The following KLF8 variants were observed in gnomAD, a reference collection of about 807,000 sequenced individuals.
KLF8 encodes KLF transcription factor 8.
KLF8 carries 10 observed loss-of-function variants against 18.2 expected under a neutral mutation model. The ratio of observed to expected loss-of-function variants is 0.55; its 90% CI spans 0.34 to 0.93. The LOEUF is 0.93. KLF8 is among the 40% of genes least tolerant of loss of function. The pLI, the probability that KLF8 is intolerant of heterozygous loss-of-function variation, is 0.02. For missense variants in KLF8, 264 were observed against 277.9 expected (o/e 0.95, Z 0.36); for synonymous variants, 109 against 97.3 (o/e 1.12, Z -0.71).
At chrX:56,171,632 T>G in the KLF8 span, among the ~76,000 whole-genome samples, 1 of 111,661 alleles carries the variant, frequency 9.0e-6, no homozygotes. Flanking sequence ...GTTTGGATTT[T>G]TATCCTTGTG....
the KLF8 span, among the ~76,000 whole-genome samples, chrX:56,197,617 G>A: frequency 1.8e-5 from 2 of 111,741 alleles, no homozygotes; most frequent in African/African-American, 6.5e-5. Context: ...ACCAAAAAGA[G>A]TCTAGGACCA....
upstream of KLF8, among the ~76,000 whole-genome samples, chrX:56,227,413 C>T (rs1033215289): frequency 9.3e-6 from 1 of 107,697 alleles, no homozygotes; most frequent in Non-Finnish European, 1.9e-5. Flanking sequence ...TGCAGTGGTG[C>T]GACCTCAGCT....
At chrX:56,046,270 G>A in the KLF8 span, among the ~76,000 whole-genome samples, 1 of 111,319 alleles carries the variant, frequency 9.0e-6, no homozygotes, top group Admixed American at 9.6e-5. Flanking sequence ...GAGAATTTTT[G>A]CATCTATGAT....
rs916554752 is a variant in KLF8 at position 56,291,280 on chromosome X, T to C, written c.*6786T>C. 1.8e-5 allele frequency among the ~76,000 whole-genome samples: 2 copies of C among 111,944 alleles called. No homozygotes were observed. Among genetic ancestry groups the C allele is most frequent in the Non-Finnish European group, 3.8e-5 (2 of 53,152 alleles). ...AACACCTTGTTTTTCCTCTATTTTA[T>C]ACTAGTTCTTGCTCCAGAGGCATGG... On this transcript the variant is annotated 3_prime_UTR_variant, in exon 6 of 6. Transcript: ENST00000468660.
chrX:55,957,248 A>AT, the KLF8 span, among the ~76,000 whole-genome samples: 58 of 111,129 alleles, frequency 5.2e-4, no homozygotes, highest in Non-Finnish European at 8.9e-4. Flanking sequence ...ACATTGGTAT[A>AT]TTTTTCTGTC....
intron 5 of KLF8, among the ~76,000 whole-genome samples, chrX:56,275,182 T>C (rs776543114): frequency 1.8e-5 from 2 of 111,727 alleles, no homozygotes; most frequent in East Asian, 5.6e-4. Context: ...CTATCATCAA[T>C]GTTTTATAGT....
chrX:56,019,800 A>G, the KLF8 span, among the ~76,000 whole-genome samples: 1 of 112,005 alleles, frequency 8.9e-6, no homozygotes, highest in Non-Finnish European at 1.9e-5. Context: ...AAGAATGGTA[A>G]GGGAAAGGAA....
chrX:56,189,927 G>A, the KLF8 span, among the ~76,000 whole-genome samples: 2 of 103,942 alleles, frequency 1.9e-5, no homozygotes, highest in South Asian at 9.5e-4. Flanking sequence ...GCTAAATGAC[G>A]AGTTAATGGG....
At chrX:56,146,647 G>A in the KLF8 span, among the ~76,000 whole-genome samples, 1 of 108,550 alleles carries the variant, frequency 9.2e-6, no homozygotes, top group South Asian at 4.1e-4. Context: ...AACCACCATG[G>A]CATGTGTATA....
chrX:56,226,953 G>C, the KLF8 span, among the ~76,000 whole-genome samples: 2 of 112,488 alleles, frequency 1.8e-5, no homozygotes. Context: ...GCAAACAAAG[G>C]ACAGAGGAAA....
At chrX:56,156,946 G>A in the KLF8 span, among the ~76,000 whole-genome samples, 4 of 109,120 alleles carry the variant, frequency 3.7e-5, no homozygotes. Context: ...TATGTTTATT[G>A]TGGCACTATT....
chrX:55,951,542 C>T, the KLF8 span, among the ~76,000 whole-genome samples: 10 of 107,732 alleles, frequency 9.3e-5, no homozygotes, highest in East Asian at 2.6e-3. Flanking sequence ...TATGGGGATA[C>T]GCAAAGCTCC....
At chrX:56,081,529 G>A in the KLF8 span, among the ~76,000 whole-genome samples, 1 of 111,915 alleles carries the variant, frequency 8.9e-6, no homozygotes, top group Non-Finnish European at 1.9e-5. Flanking sequence ...AATAGCAGTG[G>A]TGAAAGTGGG....
At chrX:56,033,592 C>A in the KLF8 span, among the ~76,000 whole-genome samples, 1 of 112,020 alleles carries the variant, frequency 8.9e-6, no homozygotes, top group East Asian at 2.8e-4. Context: ...GGAACCACCA[C>A]ACACTTTTTT....
At chrX:56,170,698 T>G in the KLF8 span, among the ~76,000 whole-genome samples, 1 of 110,336 alleles carries the variant, frequency 9.1e-6, no homozygotes, top group Non-Finnish European at 1.9e-5. Flanking sequence ...ATCTAGAAAA[T>G]AGCTTCAAAA....
At chrX:55,994,232 T>A in the KLF8 span, among the ~76,000 whole-genome samples, 6 of 12,112 alleles carry the variant, frequency 5.0e-4, no homozygotes, top group Non-Finnish European at 7.4e-3. Context: ...CTTAATAGAC[T>A]TTTTTTTTTT....
chrX:56,196,066 G>C, the KLF8 span, among the ~76,000 whole-genome samples: 2 of 111,580 alleles, frequency 1.8e-5, no homozygotes, highest in South Asian at 7.6e-4. Context: ...CTGCCTTCAA[G>C]AGTTCCTAAA....
the KLF8 span, among the ~76,000 whole-genome samples, chrX:56,001,279 T>C: frequency 4.4e-5 from 5 of 112,431 alleles, no homozygotes; most frequent in African/African-American, 1.6e-4. Flanking sequence ...TGTGATGAGC[T>C]GAGTTCAAAT....
the KLF8 span, among the ~76,000 whole-genome samples, chrX:56,216,251 C>T: frequency 0.012 from 1,368 of 111,200 alleles, 15 homozygotes; most frequent in African/African-American, 0.043. Context: ...GCCACATCCC[C>T]TTCCAATCAG....
Sources: allele counts gnomAD v4.1 joint callset (sites outside exome capture counted in the v4.1 genomes callset), GRCh38; gene constraint gnomAD v4.1.1; transcripts MANE v1.5; gene names NCBI Gene and HGNC (gene_info 2026-07-23, HGNC 2026-07-21).